TSHZ3: variants seen among roughly 807,000 people sequenced by gnomAD.
The protein encoded by TSHZ3 is teashirt zinc finger homeobox 3, also known as teashirt homolog 3.
A neutral mutation model predicts 64.5 loss-of-function variants in TSHZ3; 10 were observed. The ratio of observed to expected loss-of-function variants is 0.16; its 90% CI spans 0.10 to 0.26. The LOEUF is 0.26. TSHZ3 is among the 10% of genes least tolerant of loss of function. The pLI is 1.00. For synonymous variants in TSHZ3, 608 were observed against 593.1 expected, an observed-to-expected ratio of 1.03 and a Z score of -0.36; for missense variants, 1,242 against 1,421.7, an observed-to-expected ratio of 0.87 and a Z score of 2.03.
rs895192209 is a variant in TSHZ3, at chr19:31,297,440, T to C, written c.41-17688A>G. Among the ~76,000 whole-genome samples the C allele has an allele frequency of 2.0e-5, 3 of 152,038 alleles. No homozygotes were observed. In the South Asian group the frequency reaches 6.2e-4, roughly 32 times the overall value. The stretch of plus-strand genomic sequence containing the variant: ...CCTGTCTCTTTTTTTTGCCCATTCC[T>C]AAGAACTGCAGAAAGTTCTACAACC... On this transcript the variant is annotated intron_variant, in intron 1 of 1. Coordinates refer to ENST00000240587, the MANE Select transcript of TSHZ3 (RefSeq NM_020856.4).
intron 1 of TSHZ3, among the ~76,000 whole-genome samples, chr19:31,248,464 C>A (rs1385244461): frequency 6.6e-6 from 1 of 152,070 alleles, no homozygotes; most frequent in African/African-American, 2.4e-5. Flanking sequence ...ATGTCAGAGT[C>A]AACAACCTGG....
rs369979777 is a variant in TSHZ3, at chr19:31,277,139, G to A, written c.2654C>T (p.Ser885Leu). 27 of 1,608,742 alleles carry A rather than the reference G, an allele frequency of 1.7e-5. No homozygotes were observed. The highest frequency in any genetic ancestry group is 3.3e-5 in the Admixed American group (2 of 59,770). The change falls in exon 2 of 2, where the codon TCG becomes TTG. Residue 885 changes from serine (S) to leucine (L), a missense_variant. Ser to Leu is a moderately radical substitution (Grantham distance 145). Coordinates refer to ENST00000240587, the MANE Select transcript of TSHZ3 (RefSeq NM_020856.4). The surrounding 1 kb of genome is among the most constrained non-coding windows in gnomAD (Gnocchi z 4.5). ...DGATLEEAEE[S>L]TPAQKRKGRQ... ...GCCCTTCCTCTTCTGGGCGGGCGTCGACTCCTCAGCCTCCTCCAGAGTGGC... is the reference window on the plus strand; with the variant it reads ...GCCCTTCCTCTTCTGGGCGGGCGTCAACTCCTCAGCCTCCTCCAGAGTGGC...
At chr19:31,181,167 C>A (rs1473095178) in intron 5 of TSHZ3, among the ~76,000 whole-genome samples, 1 of 151,996 alleles carries the variant, frequency 6.6e-6, no homozygotes, top group East Asian at 1.9e-4. Context: ...AAGAATCAAG[C>A]AGAACAGCAC....
chr19:31,349,666 G>C (rs1271768877), upstream of TSHZ3: 1 of 151,842 alleles, frequency 6.6e-6, no homozygotes, highest in Admixed American at 6.7e-5. Context: ...GGCGGGGAGA[G>C]GGCGGGCAGA....
At chr19:31,199,024 A>G (rs774251279) in intron 5 of TSHZ3, among the ~76,000 whole-genome samples, 54 of 152,204 alleles carry the variant, frequency 3.5e-4, no homozygotes, top group Non-Finnish European at 6.9e-4. Flanking sequence ...GACTTACTGT[A>G]AAACTACAAT....
chr19:31,219,483 T>C (rs977924518), intron 4 of TSHZ3, among the ~76,000 whole-genome samples: 1 of 151,892 alleles, frequency 6.6e-6, no homozygotes, highest in Non-Finnish European at 1.5e-5. Flanking sequence ...GATTTTACCC[T>C]CTTCTAGAGC....
In TSHZ3 at chr19:31,191,503, C is replaced by T. The variant is rs76591173; in HGVS notation, n.809+13453G>A. Among the ~76,000 whole-genome samples, 1,041 of 152,156 alleles carry T rather than the reference C, an allele frequency of 6.8e-3. 15 individuals are homozygous for T. The highest frequency in any genetic ancestry group is 0.022 in the African/African-American group (915 of 41,506). On this transcript the variant is annotated intron_variant and non_coding_transcript_variant, in intron 5 of 6. Coordinates refer to the TSHZ3 transcript ENST00000651361. Reference sequence around the variant, plus strand: ...TTTCATCAGGCTTCCCTTTTGCCCCCAAAGTAATTGGCTGAAGGGAAATAA... The same window carrying T: ...TTTCATCAGGCTTCCCTTTTGCCCCTAAAGTAATTGGCTGAAGGGAAATAA...
intron 1 of TSHZ3, among the ~76,000 whole-genome samples, chr19:31,264,316 C>A (rs556668536): frequency 5.3e-5 from 8 of 152,328 alleles, no homozygotes; most frequent in African/African-American, 1.7e-4. Flanking sequence ...CCTGCACAAA[C>A]CTGCAGAGGT....
intron 5 of TSHZ3, among the ~76,000 whole-genome samples, chr19:31,157,320 C>T (rs1350740135): frequency 2.0e-5 from 3 of 152,196 alleles, no homozygotes; most frequent in Non-Finnish European, 4.4e-5. Flanking sequence ...AATCAGCAAA[C>T]TGTGGCCAGC....
chr19:31,287,956 A>G (rs1976492843), intron 1 of TSHZ3, among the ~76,000 whole-genome samples: 1 of 151,822 alleles, frequency 6.6e-6, no homozygotes. Context: ...TTTTTTTGAG[A>G]CAGGGTTATG....
chr19:31,300,908 C>T (rs374918647), intron 1 of TSHZ3, among the ~76,000 whole-genome samples: 1 of 151,978 alleles, frequency 6.6e-6, no homozygotes, highest in African/African-American at 2.4e-5. Flanking sequence ...CAATACCGTG[C>T]GCCTGAGGAG....
At chr19:31,224,475 G>T (rs138950015) in intron 4 of TSHZ3, among the ~76,000 whole-genome samples, 3 of 152,326 alleles carry the variant, frequency 2.0e-5, no homozygotes, top group Non-Finnish European at 4.4e-5. Flanking sequence ...GAAGTTTCAA[G>T]TGACGTTTGC....
In TSHZ3 at chr19:31,277,247, T is replaced by C; in HGVS notation, c.2546A>G (p.Asp849Gly). The change falls in exon 2 of 2, where the codon GAT becomes GGT. Residue 849 changes from aspartate (D) to glycine (G), a missense_variant. Around this residue, in one of 4 missense-constraint regions of TSHZ3, gnomAD observed 550 missense variants for 545.1 expected, o/e 1.01. Transcript: ENST00000240587. This position sits in a 1 kb window ranked among gnomAD's most constrained non-coding sequence, Gnocchi z 4.5. ...GCTCTCTGTCAAGTTCTTCAGCATA[T>C]CGGATATATCTGACAAGGCATTCTC... ...LRENALSDIS[D>G]MLKNLTESHT... 6.2e-7 allele frequency: 1 copy of C among 1,614,122 alleles called. No individual in the cohort carries two copies. Among genetic ancestry groups the C allele is most frequent in the Non-Finnish European group, 8.5e-7 (1 of 1,180,008 alleles).
intron 1 of TSHZ3, among the ~76,000 whole-genome samples, chr19:31,344,731 G>A (rs1917534833): frequency 6.6e-6 from 1 of 152,210 alleles, no homozygotes; most frequent in Non-Finnish European, 1.5e-5. Flanking sequence ...TCCCAGGAGT[G>A]GAGGGCGGCG....
At position 31,276,435 on chromosome 19, in the gene TSHZ3, C is replaced by A; in HGVS notation, c.*112G>T. 1 of 1,018,854 alleles carries A rather than the reference C, an allele frequency of 9.8e-7. No individual in the cohort carries two copies. The highest frequency in any genetic ancestry group is 2.4e-5 in the East Asian group (1 of 41,540). 63.1% of individuals were successfully genotyped at this position (1,018,854 alleles called of 1,614,324 possible). A position where few individuals can be genotyped will look rare whatever the true frequency, so the allele number is the denominator to read the frequency against. ...AAACAGTCCAGCCCAGAGTGATTCTCTGCAGTTAAAATAAGAACATGTGCC... is the reference window on the plus strand; with the variant it reads ...AAACAGTCCAGCCCAGAGTGATTCTATGCAGTTAAAATAAGAACATGTGCC... On this transcript the variant is annotated 3_prime_UTR_variant, in exon 2 of 2. Coordinates refer to ENST00000240587, the MANE Select transcript of TSHZ3 (RefSeq NM_020856.4).
chr19:31,172,998 C>T lies in TSHZ3; in HGVS notation n.810-16581G>A, dbSNP rs117265590. On this transcript the variant is annotated intron_variant and non_coding_transcript_variant, in intron 5 of 6. Coordinates refer to the TSHZ3 transcript ENST00000651361. ...GATGGGGCTAGATCATGTAGGGTCT[C>T]AGAGCCACCATAAGGGCTCTAGCTC... Among the ~76,000 whole-genome samples the T allele has an allele frequency of 4.0e-3, 612 of 152,324 alleles. 5 individuals are homozygous for T. The highest frequency in any genetic ancestry group is 6.4e-3 in the Non-Finnish European group (435 of 68,032).
At chr19:31,349,006 G>T (rs543936015) in intron 1 of TSHZ3, 174 bp downstream of exon 1, 2 of 784,298 alleles carry the variant, frequency 2.6e-6, no homozygotes, top group South Asian at 2.1e-5. Context: ...CGGGGCGTCC[G>T]GGGGGCGCCC....
intron 1 of TSHZ3, among the ~76,000 whole-genome samples, chr19:31,311,247 G>T (rs966036276): frequency 6.6e-6 from 1 of 152,206 alleles, no homozygotes; most frequent in African/African-American, 2.4e-5. Context: ...GGCTGAAGGG[G>T]GTTATTAATC....
chr19:31,293,863 C>T (rs1976617761), intron 1 of TSHZ3, among the ~76,000 whole-genome samples: 1 of 152,196 alleles, frequency 6.6e-6, no homozygotes, highest in Non-Finnish European at 1.5e-5. Context: ...TTGGATGGCG[C>T]TGCTTAGGCT....
Sources: allele counts gnomAD v4.1 joint callset (sites outside exome capture counted in the v4.1 genomes callset), GRCh38; gene constraint gnomAD v4.1.1; regional missense constraint gnomAD v4.1.1; non-coding constraint Gnocchi (gnomAD v3.1); transcripts MANE v1.5; gene names NCBI Gene and HGNC (gene_info 2026-07-23, HGNC 2026-07-21).